Variants in ARID5B observed in about 807,000 individuals in gnomAD.
ARID5B encodes the protein AT-rich interaction domain 5B.
ARID5B carries 13 observed loss-of-function variants against 97.2 expected under a neutral mutation model. The observed-to-expected ratio is 0.13, with a 90% CI of 0.09 to 0.21. The LOEUF (loss-of-function observed/expected upper bound fraction) is 0.21, where lower values mean the gene tolerates loss of function less well. Among genes scored for constraint, ARID5B ranks in the 10% least tolerant of loss-of-function variants. ARID5B has a pLI of 1.00. For synonymous variants in ARID5B, 556 were observed against 570.3 expected (o/e 0.97, Z 0.36); for missense variants, 1,210 against 1,465.3 (o/e 0.83, Z 2.84).
At chr10:61,956,919 T>C (rs1224285127) in intron 3 of ARID5B, among the ~76,000 whole-genome samples, 1 of 152,210 alleles carries the variant, frequency 6.6e-6, no homozygotes, top group Non-Finnish European at 1.5e-5. Flanking sequence ...TGTGTGTTTG[T>C]GTGTAAATTG....
chr10:62,076,561 C>CAAAAA (rs11363274), intron 8 of ARID5B, among the ~76,000 whole-genome samples: 1 of 92,654 alleles, frequency 1.1e-5, no homozygotes, highest in Admixed American at 1.2e-4. Flanking sequence ...GACTCTGTCT[C>CAAAAA]AAAAAAAAAA....
intron 3 of ARID5B, among the ~76,000 whole-genome samples, chr10:61,981,948 A>C (rs537817046): frequency 6.6e-6 from 1 of 152,194 alleles, no homozygotes; most frequent in Non-Finnish European, 1.5e-5. Context: ...GCAGGGTTTC[A>C]CTACCTGCCT....
chr10:62,036,043 T>G (rs1017627539), intron 4 of ARID5B, among the ~76,000 whole-genome samples: 2 of 152,092 alleles, frequency 1.3e-5, no homozygotes, highest in African/African-American at 4.8e-5. Flanking sequence ...CAGGCTGGTC[T>G]TGAACTCCTG....
intron 2 of ARID5B, among the ~76,000 whole-genome samples, chr10:61,904,465 CTTT>C (rs1843674732): frequency 6.6e-6 from 1 of 152,072 alleles, no homozygotes; most frequent in African/African-American, 2.4e-5. Context: ...TACACGATTT[CTTT>C]TTAATTGTTC....
chr10:61,918,335 T>G (rs1271591452), intron 2 of ARID5B, among the ~76,000 whole-genome samples: 7 of 152,224 alleles, frequency 4.6e-5, no homozygotes, highest in South Asian at 2.1e-4. Flanking sequence ...GTTTCTTATC[T>G]GTGAAATGGC....
At chr10:62,087,532 TA>T (rs769545599) in intron 9 of ARID5B, among the ~76,000 whole-genome samples, 1,466 of 133,186 alleles carry the variant, frequency 0.011, 22 homozygotes, top group African/African-American at 0.033. Context: ...TGCTGCCCAT[TA>T]AAAAAAAAAA....
intron 2 of ARID5B, among the ~76,000 whole-genome samples, chr10:61,904,396 A>G (rs371381017): frequency 3.3e-5 from 5 of 152,206 alleles, no homozygotes; most frequent in African/African-American, 1.2e-4. Context: ...AATAAAGGCT[A>G]TATTTGCCAA....
chr10:61,986,891 A>G (rs183428183), intron 3 of ARID5B, among the ~76,000 whole-genome samples: 102 of 152,310 alleles, frequency 6.7e-4, no homozygotes, highest in Admixed American at 3.1e-3. Flanking sequence ...CCCCCCAGGA[A>G]GTCACTGTTC....
At chr10:61,995,267 T>A (rs1355291595) in intron 3 of ARID5B, among the ~76,000 whole-genome samples, 1 of 152,212 alleles carries the variant, frequency 6.6e-6, no homozygotes, top group East Asian at 1.9e-4. Flanking sequence ...CTATTATGAA[T>A]TGGAAGGGTG....
At chr10:61,912,316 T>C (rs1473351104) in intron 2 of ARID5B, among the ~76,000 whole-genome samples, 1 of 152,190 alleles carries the variant, frequency 6.6e-6, no homozygotes, top group East Asian at 1.9e-4. Flanking sequence ...ATATTCATCA[T>C]ATATATGTGT....
chr10:61,974,473 G>A (rs1838673053), intron 3 of ARID5B, among the ~76,000 whole-genome samples: 1 of 152,090 alleles, frequency 6.6e-6, no homozygotes, highest in Admixed American at 6.5e-5. Context: ...AAGGGTATGT[G>A]GGACAGGAAT....
chr10:61,989,324 TTTACATTTTCAA>T (rs367725741), intron 3 of ARID5B, among the ~76,000 whole-genome samples: 37 of 152,322 alleles, frequency 2.4e-4, no homozygotes, highest in African/African-American at 8.7e-4. Context: ...CTGTTTTCTG[TTTACATTTTCAA>T]TGTGTTAATT....
intron 3 of ARID5B, among the ~76,000 whole-genome samples, chr10:61,958,975 C>G (rs981891125): frequency 6.6e-6 from 1 of 152,122 alleles, no homozygotes; most frequent in Non-Finnish European, 1.5e-5. Context: ...GAAGACTGTC[C>G]AGGCCTACAA....
chr10:61,904,941 G>A (rs149771322), intron 2 of ARID5B, among the ~76,000 whole-genome samples: 18 of 152,348 alleles, frequency 1.2e-4, no homozygotes, highest in Admixed American at 6.5e-4. Flanking sequence ...CAGAATAGCA[G>A]CAGCAGTCTT....
chr10:62,007,374 A>G (rs1406056555), intron 4 of ARID5B, among the ~76,000 whole-genome samples: 1 of 152,176 alleles, frequency 6.6e-6, no homozygotes, highest in Non-Finnish European at 1.5e-5. Context: ...TCATTTAACC[A>G]GGGTTTATTC....
intron 8 of ARID5B, among the ~76,000 whole-genome samples, chr10:62,080,152 C>T (rs1239090135): frequency 2.0e-5 from 3 of 152,126 alleles, no homozygotes; most frequent in Non-Finnish European, 4.4e-5. Context: ...TGGTTTGGTG[C>T]CCCAGACTTT....
At position 61,928,284 on chromosome 10, in the gene ARID5B, C is replaced by T. The variant is rs149695006; in HGVS notation, c.277-11899C>T. ...GTCACTTGTTCCAGTGTAAAACCTC[C>T]CCTTGAATTATTATTACTATCATTA... On this transcript the variant is annotated intron_variant, in intron 2 of 9. Transcript: ENST00000279873. Among the ~76,000 whole-genome samples, 6 of 152,112 alleles carry T rather than the reference C, an allele frequency of 3.9e-5. No individual in the cohort carries two copies. The East Asian group carries it at 1.2e-3, about 29-fold the overall frequency.
At chr10:62,089,271 A>G (rs9415641) in intron 9 of ARID5B, among the ~76,000 whole-genome samples, 121,192 of 152,052 alleles carry the variant, frequency 0.8, 48,968 homozygotes, top group Middle Eastern at 0.93. Flanking sequence ...AAAAAGAAAT[A>G]ATGATGATAA....
At chr10:62,086,927 C>A (rs1283519721) in intron 9 of ARID5B, among the ~76,000 whole-genome samples, 1 of 151,818 alleles carries the variant, frequency 6.6e-6, no homozygotes, top group Non-Finnish European at 1.5e-5. Context: ...CTGCAAGACT[C>A]TCCTGAAAAC....
Sources: allele counts gnomAD v4.1 joint callset (sites outside exome capture counted in the v4.1 genomes callset), GRCh38; gene constraint gnomAD v4.1.1; transcripts MANE v1.5; gene names NCBI Gene and HGNC (gene_info 2026-07-23, HGNC 2026-07-21).